CSGALNACT1: variants seen among roughly 807,000 people sequenced by gnomAD.
CSGALNACT1 encodes chondroitin sulfate N-acetylgalactosaminyltransferase 1, also known as beta4GalNAcT-1.
CSGALNACT1 carries 52 observed loss-of-function variants against 51.0 expected under a neutral mutation model. The observed-to-expected ratio is 1.02, with a 90% CI of 0.82 to 1.29. The LOEUF is 1.29. Among genes scored for constraint, CSGALNACT1 ranks in the 50% most tolerant of loss-of-function variants. CSGALNACT1 has a pLI of 0.00. For synonymous variants in CSGALNACT1, 341 were observed against 254.4 expected (o/e 1.34, Z -3.24); for missense variants, 935 against 679.2 (o/e 1.38, Z -4.19).
chr8:19,540,572 C>A (rs1240611806), intron 3 of CSGALNACT1, among the ~76,000 whole-genome samples: 2 of 152,196 alleles, frequency 1.3e-5, no homozygotes, highest in Non-Finnish European at 2.9e-5. Flanking sequence ...GGAAAAGCAA[C>A]ATAAGGAAAA....
At chr8:19,536,376 A>T (rs181205201) in intron 3 of CSGALNACT1, among the ~76,000 whole-genome samples, 69 of 152,312 alleles carry the variant, frequency 4.5e-4, no homozygotes, top group Admixed American at 1.9e-3. Flanking sequence ...CACACATAGC[A>T]ATCAACATAT....
Position 19,491,102 on chromosome 8 carries a change from A to G in CSGALNACT1, c.634+14099T>C, listed in dbSNP as rs181044308. Among the ~76,000 whole-genome samples, 64 of 151,692 alleles carry G rather than the reference A, an allele frequency of 4.2e-4. No individual in the cohort carries two copies. In the East Asian group the frequency reaches 9.9e-3, roughly 23 times the overall value. On this transcript the variant is annotated intron_variant, in intron 4 of 9. Transcript: ENST00000454498. Reference sequence around the variant, plus strand: ...CCACTCAGGAAAAAAAAAAAAACCAATGCTTTGCTACAGTGTTTTCATCCC... The same window carrying G: ...CCACTCAGGAAAAAAAAAAAAACCAGTGCTTTGCTACAGTGTTTTCATCCC...
intron 6 of CSGALNACT1, among the ~76,000 whole-genome samples, chr8:19,434,455 T>G (rs1014901857): frequency 6.6e-6 from 1 of 152,182 alleles, no homozygotes; most frequent in African/African-American, 2.4e-5. Flanking sequence ...TCAGACATCA[T>G]GACAACTTCA....
At chr8:19,422,023 G>T (rs927981304) in intron 6 of CSGALNACT1, among the ~76,000 whole-genome samples, 3 of 152,140 alleles carry the variant, frequency 2.0e-5, no homozygotes, top group African/African-American at 7.2e-5. Context: ...AAACCTAGCT[G>T]TGCCTCTGAT....
Position 19,408,607 on chromosome 8 carries a change from T to G in CSGALNACT1, c.1309+6A>C, listed in dbSNP as rs369537711. The G allele has an allele frequency of 2.9e-5, 46 of 1,612,974 alleles. No individual in the cohort carries two copies. The African/African-American group carries it at 5.5e-4, about 19-fold the overall frequency. ...GGGTGGCAGTAGAGATGCAGATTTG[T>G]CCTACCTATATTGATGAAGTCTGAC... On this transcript the variant is annotated splice_donor_region_variant and intron_variant, in intron 9 of 9. Coordinates refer to ENST00000454498, the Ensembl canonical transcript of CSGALNACT1.
At chr8:19,428,823 ATATGTGTGTGTGTGTGTG>A (rs1368176492) in intron 6 of CSGALNACT1, among the ~76,000 whole-genome samples, 1 of 51,294 alleles carries the variant, frequency 1.9e-5, no homozygotes, top group African/African-American at 5.2e-5. Context: ...ATAAGACATG[ATATGTGTGTGTGTGTGTG>A]TGTGTGTGTG....
chr8:19,686,830 T>A (rs2061005491), upstream of CSGALNACT1, among the ~76,000 whole-genome samples: 1 of 152,132 alleles, frequency 6.6e-6, no homozygotes, highest in Non-Finnish European at 1.5e-5. Context: ...AAGTAACAGG[T>A]GACGTCACAG....
intron 5 of CSGALNACT1, among the ~76,000 whole-genome samples, chr8:19,452,590 G>C (rs58538740): frequency 1.3e-4 from 20 of 152,254 alleles, no homozygotes; most frequent in African/African-American, 4.6e-4. Flanking sequence ...TAGAAACAGA[G>C]CCAAAACTTT....
chr8:19,723,205 C>T (rs2063219093), intron 1 of CSGALNACT1, among the ~76,000 whole-genome samples: 1 of 152,186 alleles, frequency 6.6e-6, no homozygotes, highest in Non-Finnish European at 1.5e-5. Context: ...AGTCTTATTT[C>T]CCTTATTTTC....
chr8:19,478,463 C>A (rs574853640), intron 4 of CSGALNACT1, among the ~76,000 whole-genome samples: 19 of 150,998 alleles, frequency 1.3e-4, no homozygotes, highest in African/African-American at 4.6e-4. Flanking sequence ...GGTCCCACTC[C>A]CAGAGATTCC....
intron 4 of CSGALNACT1, among the ~76,000 whole-genome samples, chr8:19,459,973 C>T (rs2065014409): frequency 6.6e-6 from 1 of 152,142 alleles, no homozygotes; most frequent in South Asian, 2.1e-4. Context: ...CCTCTCAGAA[C>T]AAGCCTCCCT....
At chr8:19,444,158 C>A (rs191978792) in intron 5 of CSGALNACT1, among the ~76,000 whole-genome samples, 19 of 152,320 alleles carry the variant, frequency 1.2e-4, no homozygotes, top group African/African-American at 4.1e-4. Context: ...GGAGTTGGGG[C>A]CCCCTGTCTT....
rs148264056 is a variant in CSGALNACT1 at position 19,426,419 on chromosome 8, T to C, written c.954-5901A>G. ...GAGATGAGAAAAATACACTGCAATA[T>C]GGTTCAAAGTTGAAGTTACTCATAC... is the stretch of plus-strand genomic sequence containing the variant. On this transcript the variant is annotated intron_variant, in intron 6 of 9. Transcript: ENST00000454498. 9.8e-3 allele frequency among the ~76,000 whole-genome samples: 1,486 copies of C among 152,276 alleles called. 21 individuals carry two copies. Among genetic ancestry groups the C allele is most frequent in the African/African-American group, 0.034 (1,410 of 41,546 alleles).
chr8:19,684,086 A>C (rs1234851275), upstream of CSGALNACT1, among the ~76,000 whole-genome samples: 1 of 152,162 alleles, frequency 6.6e-6, no homozygotes, highest in Non-Finnish European at 1.5e-5. Flanking sequence ...GAATCGTATG[A>C]GCCTGGGAGG....
intron 1 of CSGALNACT1, among the ~76,000 whole-genome samples, chr8:19,739,720 C>A (rs185052199): frequency 6.6e-6 from 1 of 152,248 alleles, no homozygotes; most frequent in Non-Finnish European, 1.5e-5. Flanking sequence ...AGCTCTCTTG[C>A]GCCATGAGCA....
At chr8:19,713,858 C>A (rs370621900) in intron 1 of CSGALNACT1, among the ~76,000 whole-genome samples, 1 of 152,176 alleles carries the variant, frequency 6.6e-6, no homozygotes, top group African/African-American at 2.4e-5. Flanking sequence ...TTTGCCAGGG[C>A]AGCCCCAGAT....
chr8:19,544,414 T>G (rs2085995827), intron 3 of CSGALNACT1, among the ~76,000 whole-genome samples: 1 of 152,234 alleles, frequency 6.6e-6, no homozygotes, highest in Non-Finnish European at 1.5e-5. Context: ...ATACTAAACA[T>G]GAAACTTAGA....
At chr8:19,565,348 C>T (rs1170143364) in intron 3 of CSGALNACT1, among the ~76,000 whole-genome samples, 1 of 152,196 alleles carries the variant, frequency 6.6e-6, no homozygotes, top group African/African-American at 2.4e-5. Flanking sequence ...ACTGTCACCT[C>T]TCCAGGCAGT....
At chr8:19,582,353 C>G (rs372164388) in intron 3 of CSGALNACT1, among the ~76,000 whole-genome samples, 1 of 152,198 alleles carries the variant, frequency 6.6e-6, no homozygotes, top group East Asian at 1.9e-4. Context: ...ATAAAACTTA[C>G]AATGTACATT....
Sources: allele counts gnomAD v4.1 joint callset (sites outside exome capture counted in the v4.1 genomes callset), GRCh38; gene constraint gnomAD v4.1.1; transcripts MANE v1.5; gene names NCBI Gene and HGNC (gene_info 2026-07-23, HGNC 2026-07-21).